Variants in SLMAP observed in about 807,000 individuals in gnomAD.
SLMAP encodes the protein sarcolemmal membrane-associated protein.
In SLMAP, 44 loss-of-function variants were observed where a neutral mutation model predicts 128.8. The ratio of observed to expected loss-of-function variants is 0.34; its 90% CI spans 0.27 to 0.44. The LOEUF is 0.44. Among genes scored for constraint, SLMAP ranks in the 20% least tolerant of loss-of-function variants. The pLI, the probability that SLMAP is intolerant of heterozygous loss-of-function variation, is 1.00. For missense variants in SLMAP, 787 were observed against 985.3 expected, an observed-to-expected ratio of 0.80 and a Z score of 2.69; for synonymous variants, 327 against 348.8, an observed-to-expected ratio of 0.94 and a Z score of 0.70.
At chr3:57,778,443 T>G (rs989337797) in intron 2 of SLMAP, among the ~76,000 whole-genome samples, 2 of 151,774 alleles carry the variant, frequency 1.3e-5, no homozygotes, top group Non-Finnish European at 2.9e-5. Flanking sequence ...AGGGTTTTTT[T>G]GGTAGATTTT....
intron 9 of SLMAP, among the ~76,000 whole-genome samples, chr3:57,861,362 A>G (rs767541506): frequency 6.6e-6 from 1 of 152,204 alleles, no homozygotes; most frequent in Non-Finnish European, 1.5e-5. Context: ...ATTCTAATTC[A>G]TAATATAGAT....
intron 2 of SLMAP, among the ~76,000 whole-genome samples, chr3:57,789,419 C>T (rs1168909101): frequency 2.0e-5 from 3 of 152,002 alleles, no homozygotes; most frequent in South Asian, 4.2e-4. Context: ...CTGGCTAAAT[C>T]GACCTAACAG....
At chr3:57,860,236 C>T (rs781396092) in intron 8 of SLMAP, among the ~76,000 whole-genome samples, 20 of 152,166 alleles carry the variant, frequency 1.3e-4, no homozygotes, top group Non-Finnish European at 2.2e-4. Flanking sequence ...TTCATGCTGT[C>T]ATTTCAGACA....
chr3:57,909,689 T>G (rs1352592925), intron 19 of SLMAP, among the ~76,000 whole-genome samples: 1 of 151,362 alleles, frequency 6.6e-6, no homozygotes, highest in Admixed American at 6.6e-5. Context: ...CTCACCTTAC[T>G]GCAACCTCCG....
chr3:57,792,699 T>C (rs1017864655), intron 2 of SLMAP, among the ~76,000 whole-genome samples: 5 of 152,144 alleles, frequency 3.3e-5, no homozygotes, highest in African/African-American at 1.2e-4. Context: ...ATTTATATTT[T>C]TTATAATATT....
Position 57,905,462 on chromosome 3 carries a change from A to G in SLMAP, c.1502-2422A>G, listed in dbSNP as rs147231160. ...AAACCCAGTTAATTTTCGTATTTTT[A>G]GTAGAGACGGGTTTTACCATGTTGC... On this transcript the variant is annotated intron_variant, in intron 17 of 24. Coordinates refer to ENST00000671191, the MANE Select transcript of SLMAP (RefSeq NM_001377540.1). Among the ~76,000 whole-genome samples the G allele has an allele frequency of 4.1e-3, 616 of 152,060 alleles. 6 individuals are homozygous for G. Among genetic ancestry groups the G allele is most frequent in the African/African-American group, 0.014 (599 of 41,474 alleles).
intron 2 of SLMAP, among the ~76,000 whole-genome samples, chr3:57,766,084 C>G (rs535370406): frequency 6.6e-6 from 1 of 150,434 alleles, no homozygotes; most frequent in Admixed American, 6.6e-5. Flanking sequence ...TTGTAAGCTC[C>G]GCCTCCCGGG....
intron 2 of SLMAP, among the ~76,000 whole-genome samples, chr3:57,764,501 CA>C (rs759948558): frequency 2.4e-4 from 25 of 103,244 alleles, no homozygotes; most frequent in Admixed American, 2.0e-4. Context: ...GACTGCATCT[CA>C]AAAAAAAAAA....
intron 14 of SLMAP, among the ~76,000 whole-genome samples, chr3:57,872,568 G>C (rs997685775): frequency 3.3e-5 from 5 of 152,154 alleles, no homozygotes; most frequent in Non-Finnish European, 7.3e-5. Flanking sequence ...GCAGTGAGCC[G>C]AGGTCGTGCC....
intron 2 of SLMAP, among the ~76,000 whole-genome samples, chr3:57,790,188 A>C (rs1025038455): frequency 6.6e-6 from 1 of 152,212 alleles, no homozygotes; most frequent in Non-Finnish European, 1.5e-5. Context: ...ATTTCTGATG[A>C]TAGCAAAAAT....
intron 6 of SLMAP, among the ~76,000 whole-genome samples, chr3:57,855,774 G>A (rs1365816476): frequency 6.6e-6 from 1 of 151,234 alleles, no homozygotes; most frequent in Non-Finnish European, 1.5e-5. Flanking sequence ...TTGGGTGCGG[G>A]GACTCACACC....
intron 18 of SLMAP, among the ~76,000 whole-genome samples, chr3:57,908,721 A>G (rs1363845747): frequency 1.3e-5 from 2 of 152,232 alleles, no homozygotes; most frequent in Non-Finnish European, 2.9e-5. Flanking sequence ...TTTAGTGTTT[A>G]CTATGTGCTT....
At chr3:57,809,335 G>C (rs1191014586) in intron 2 of SLMAP, among the ~76,000 whole-genome samples, 2 of 152,246 alleles carry the variant, frequency 1.3e-5, no homozygotes, top group Non-Finnish European at 2.9e-5. Context: ...TTTGATCTCA[G>C]AGCAAAGTCA....
chr3:57,916,616 G>A (rs1005105557), intron 21 of SLMAP, among the ~76,000 whole-genome samples: 9 of 152,248 alleles, frequency 5.9e-5, no homozygotes, highest in African/African-American at 2.2e-4. Context: ...TTTTCATGAT[G>A]AAATTAATAC....
intron 4 of SLMAP, among the ~76,000 whole-genome samples, chr3:57,842,801 A>G (rs1222546462): frequency 2.0e-5 from 3 of 152,220 alleles, no homozygotes; most frequent in Non-Finnish European, 4.4e-5. Context: ...TGCTGCCAAT[A>G]TAGTTATACA....
At chr3:57,762,850 G>C (rs2153431133) in intron 2 of SLMAP, among the ~76,000 whole-genome samples, 1 of 151,880 alleles carries the variant, frequency 6.6e-6, no homozygotes, top group African/African-American at 2.4e-5. Flanking sequence ...CAAGTAGCTG[G>C]GATTACAGGC....
At chr3:57,927,239 T>C (rs1244054292) in intron 24 of SLMAP, 57 bp from the exon 25 acceptor site, 18 of 1,080,740 alleles carry the variant, frequency 1.7e-5, no homozygotes, top group Non-Finnish European at 2.5e-5. Context: ...AAGGGGTTAA[T>C]AGGTATGAAA....
At chr3:57,924,844 G>GA (rs2153710272) in intron 23 of SLMAP, among the ~76,000 whole-genome samples, 1 of 152,002 alleles carries the variant, frequency 6.6e-6, no homozygotes, top group African/African-American at 2.4e-5. Flanking sequence ...ATTGCTGAGG[G>GA]AGTACATTGT....
chr3:57,850,295 G>T (rs1232981169), intron 6 of SLMAP, among the ~76,000 whole-genome samples: 1 of 152,030 alleles, frequency 6.6e-6, no homozygotes, highest in Non-Finnish European at 1.5e-5. Context: ...AAAGAACAAA[G>T]GATTAAAAGT....
Sources: gnomAD v4.1 joint callset for allele counts (sites outside exome capture counted in the v4.1 genomes callset) on GRCh38, gnomAD v4.1.1 for gene constraint, MANE v1.5 for transcripts, NCBI Gene and HGNC (gene_info 2026-07-23, HGNC 2026-07-21) for gene names.